The following TMEM248 variants were observed in gnomAD, a reference collection of about 807,000 sequenced individuals.
TMEM248 encodes transmembrane protein 248, also known as UPF0458 protein C7orf42.
Under a neutral mutation model 30.3 loss-of-function variants are expected in TMEM248, and 9 were observed. The ratio of observed to expected loss-of-function variants is 0.30; its 90% CI spans 0.18 to 0.52. TMEM248 has a LOEUF of 0.52. Among genes scored for constraint, TMEM248 ranks in the 20% least tolerant of loss-of-function variants. The pLI is 0.97. For synonymous variants in TMEM248, 184 were observed against 154.4 expected, an observed-to-expected ratio of 1.19 and a Z score of -1.42; for missense variants, 338 against 403.3, an observed-to-expected ratio of 0.84 and a Z score of 1.39.
chr7:66,941,905 A>G lies in TMEM248; in HGVS notation c.40A>G (p.Ile14Val). The change falls in exon 2 of 7, where the codon ATC becomes GTC. Residue 14 changes from isoleucine to valine, a missense_variant. By Grantham distance (29) the Ile-to-Val change is conservative. Coordinates refer to ENST00000341567, the MANE Select transcript of TMEM248 (RefSeq NM_017994.5). ...INPLENLKVYISSRPPLVVFM... is the reference protein window; with the variant it reads ...INPLENLKVYVSSRPPLVVFM... ...CCCCCTGGAGAACCTGAAGGTGTAC[A>G]TCAGCAGTCGGCCTCCCCTGGTGGT... 2 of 1,614,184 alleles carry G rather than the reference A, an allele frequency of 1.2e-6. No individual in the cohort carries two copies. The highest frequency in any genetic ancestry group is 1.7e-6 in the Non-Finnish European group (2 of 1,180,032).
chr7:66,954,007 G>A (rs1584419062), intron 6 of TMEM248, among the ~76,000 whole-genome samples: 1 of 133,714 alleles, frequency 7.5e-6, no homozygotes, highest in African/African-American at 2.9e-5. Context: ...GCTGTGGCAC[G>A]ATCTTGGCTC....
intron 1 of TMEM248, among the ~76,000 whole-genome samples, chr7:66,935,199 T>C (rs1791771246): frequency 6.6e-6 from 1 of 152,062 alleles, no homozygotes; most frequent in Admixed American, 6.6e-5. Flanking sequence ...ATTATTATTT[T>C]TGAGATGGAG....
rs372546396 is a variant in TMEM248, at chr7:66,944,940, T to C, written c.160-36T>C. On this transcript the variant is annotated intron_variant, in intron 2 of 6. Transcript: ENST00000341567. The stretch of plus-strand genomic sequence containing the variant: ...TCCCGCAGTGGGAGACAGGCGCTGC[T>C]TAACACCCATTTCTCTTTCTTTCAC... The C allele has an allele frequency of 2.5e-6, 4 of 1,610,480 alleles. No individual in the cohort carries two copies. The South Asian group carries it at 4.4e-5, about 18-fold the overall frequency.
intron 1 of TMEM248, among the ~76,000 whole-genome samples, chr7:66,937,798 C>T (rs1243981776): frequency 1.3e-5 from 2 of 152,164 alleles, no homozygotes; most frequent in Non-Finnish European, 2.9e-5. Flanking sequence ...ACAACCTCTG[C>T]CTCCCAGGTT....
In TMEM248 at chr7:66,952,500, G is replaced by C. The variant is rs144446970; in HGVS notation, c.781-726G>C. 1.8e-3 allele frequency among the ~76,000 whole-genome samples: 267 copies of C among 152,330 alleles called. 1 individual carries two copies. Among genetic ancestry groups the C allele is most frequent in the Middle Eastern group, 3.4e-3 (1 of 294 alleles). ...GGCAGTCCCTGCCTGTGTTTGGGGC[G>C]TGGGTGTTGGTAAAGCAGTGTGTTG... On this transcript the variant is annotated intron_variant, in intron 5 of 6. Transcript: ENST00000341567.
At chr7:66,929,105 C>T (rs1000269355) in intron 1 of TMEM248, among the ~76,000 whole-genome samples, 2 of 152,154 alleles carry the variant, frequency 1.3e-5, no homozygotes, top group African/African-American at 4.8e-5. Flanking sequence ...CTTCTTTATG[C>T]AAACCTATAT....
At chr7:66,943,894 A>G (rs574819349) in intron 2 of TMEM248, among the ~76,000 whole-genome samples, 2 of 151,668 alleles carry the variant, frequency 1.3e-5, no homozygotes, top group East Asian at 3.9e-4. Flanking sequence ...GCCCCCCTTC[A>G]AACGATTTTC....
In TMEM248 at chr7:66,957,343, AAAT is replaced by A. The variant is rs1364798490; in HGVS notation, c.*1825_*1827del. ...TGCGTGCTTTTATTGAAGATTGTTA[AAAT>A]AATCACCATAGTAACTTGATATGTT... On this transcript the variant is annotated 3_prime_UTR_variant, in exon 7 of 7. Transcript: ENST00000341567. The A allele has an allele frequency of 2.6e-5, 4 of 152,230 alleles. No individual in the cohort carries two copies. The highest frequency in any genetic ancestry group is 9.6e-5 in the African/African-American group (4 of 41,454). 9.4% of individuals were successfully genotyped at this position (152,230 alleles called of 1,614,324 possible).
At chr7:66,933,401 T>C (rs191394350) in intron 1 of TMEM248, among the ~76,000 whole-genome samples, 54 of 152,370 alleles carry the variant, frequency 3.5e-4, no homozygotes, top group Admixed American at 2.5e-3. Context: ...CCTGCTATTG[T>C]TGGATATGTA....
intron 1 of TMEM248, among the ~76,000 whole-genome samples, chr7:66,933,340 G>GT (rs1267610529): frequency 1.3e-5 from 2 of 152,202 alleles, no homozygotes; most frequent in Non-Finnish European, 2.9e-5. Flanking sequence ...CAGATCTTGT[G>GT]TTTTTGATAG....
intron 1 of TMEM248, among the ~76,000 whole-genome samples, chr7:66,935,474 C>A (rs999819050): frequency 6.6e-6 from 1 of 151,172 alleles, no homozygotes; most frequent in African/African-American, 2.4e-5. Flanking sequence ...TGAGCCACTG[C>A]GTCTGGCCCC....
Position 66,956,072 on chromosome 7 carries a change from AGTTTTTTTTGTTTTGTTTTT to A in TMEM248, c.*559_*578del, listed in dbSNP as rs1792396406. The A allele has an allele frequency of 6.6e-6, 1 of 152,670 alleles. No individual in the cohort carries two copies. The highest frequency in any genetic ancestry group is 2.4e-5 in the African/African-American group (1 of 41,432). The allele number at this position is 152,670 out of a possible 1,614,324, so 9.5% of individuals were successfully genotyped here. ...TTTTGCTTGCAGGAAACATACCTTA[AGTTTTTTTTGTTTTGTTTTT>A]GTTTTTTTGTTTTTTGTTTTCCTTT... On this transcript the variant is annotated 3_prime_UTR_variant, in exon 7 of 7. Transcript: ENST00000341567.
intron 3 of TMEM248, among the ~76,000 whole-genome samples, chr7:66,945,581 A>G (rs1472880449): frequency 6.6e-6 from 1 of 152,110 alleles, no homozygotes; most frequent in African/African-American, 2.4e-5. Flanking sequence ...CACATCTTCT[A>G]TTGCTATTAG....
chr7:66,953,344 G>A lies in TMEM248; in HGVS notation c.899G>A (p.Ser300Asn), dbSNP rs965450011. 1.2e-6 allele frequency: 2 copies of A among 1,614,024 alleles called. No individual in the cohort carries two copies. Among genetic ancestry groups the A allele is most frequent in the African/African-American group, 2.7e-5 (2 of 74,912 alleles). Residue 300 changes from serine (S) to asparagine (N), a missense_variant, in exon 6 of 7, where the codon AGC becomes AAC. Coordinates refer to ENST00000341567, the MANE Select transcript of TMEM248 (RefSeq NM_017994.5). ...IKGRPSKLRQ[S>N]NPEFCPEKVA... ...GGCAGACCTAGCAAATTGCGTCAGA[G>A]CAATCCTGAATTTTGTCCCGAGAAG...
rs145666499 is a variant in TMEM248 at position 66,924,291 on chromosome 7, C to G, written c.-19+2830C>G. The stretch of plus-strand genomic sequence containing the variant: ...TCACAGAGATGGTGTGTTTCCCTTG[C>G]CCAGTACTGAAGAACCTTTGAAGCC... On this transcript the variant is annotated intron_variant, in intron 1 of 6. Transcript: ENST00000341567. Among the ~76,000 whole-genome samples, 1,333 of 152,302 alleles carry G rather than the reference C, an allele frequency of 8.8e-3. 9 individuals carry two copies. The highest frequency in any genetic ancestry group is 0.014 in the Non-Finnish European group (919 of 68,030).
At chr7:66,929,276 T>C (rs148531886) in intron 1 of TMEM248, among the ~76,000 whole-genome samples, 2 of 152,238 alleles carry the variant, frequency 1.3e-5, no homozygotes, top group African/African-American at 4.8e-5. Context: ...TTAGGGATCA[T>C]ACACAATAGG....
chr7:66,945,136 C>T lies in TMEM248; in HGVS notation c.320C>T (p.Ser107Leu), dbSNP rs757946287. ...CAGTCCCCCCAGGCCCTGGAGGACT[C>T]GGGCCCGGTGAATATCTCAGTCTCA... ...STQSPQALEDSGPVNISVSIT... is the reference protein window; with the variant it reads ...STQSPQALEDLGPVNISVSIT... Residue 107 changes from serine to leucine, a missense_variant, in exon 3 of 7, where the codon TCG becomes TTG. Ser to Leu is a moderately radical substitution (Grantham distance 145). Coordinates refer to ENST00000341567, the MANE Select transcript of TMEM248 (RefSeq NM_017994.5). 8.1e-6 allele frequency: 13 copies of T among 1,614,092 alleles called. No individual in the cohort carries two copies. Among genetic ancestry groups the T allele is most frequent in the South Asian group, 2.2e-5 (2 of 91,086 alleles).
At position 66,951,043 on chromosome 7, in the gene TMEM248, G is replaced by C. The variant is rs150737683; in HGVS notation, c.688G>C (p.Ala230Pro). 18 of 1,613,102 alleles carry C rather than the reference G, an allele frequency of 1.1e-5. No individual in the cohort carries two copies. Among genetic ancestry groups the C allele is most frequent in the Admixed American group, 1.7e-5 (1 of 59,658 alleles). Residue 230 changes from alanine (A) to proline (P), a missense_variant, in exon 5 of 7, where the codon GCC becomes CCC. Coordinates refer to ENST00000341567, the MANE Select transcript of TMEM248 (RefSeq NM_017994.5). ...TGCCAGAGATGCCAACACAAAATAC[G>C]CCCAAGATTACAATCCTTTCTGGTG... Reference protein sequence around the residue: ...TTARDANTKYAQDYNPFWCYK... With the variant: ...TTARDANTKYPQDYNPFWCYK...
chr7:66,954,582 A>C (rs1442266758), intron 6 of TMEM248, among the ~76,000 whole-genome samples: 1 of 151,924 alleles, frequency 6.6e-6, no homozygotes, highest in Non-Finnish European at 1.5e-5. Flanking sequence ...TTTTTTGAAA[A>C]GACAGGGTTT....
Sources: gnomAD v4.1 joint callset for allele counts (sites outside exome capture counted in the v4.1 genomes callset) on GRCh38, gnomAD v4.1.1 for gene constraint, MANE v1.5 for transcripts, NCBI Gene and HGNC (gene_info 2026-07-23, HGNC 2026-07-21) for gene names.